The following ANGPTL6 variants were observed in gnomAD, a reference collection of about 807,000 sequenced individuals.
ANGPTL6 encodes the protein angiopoietin like 6.
Under a neutral mutation model 47.4 loss-of-function variants are expected in ANGPTL6, and 45 were observed. That is an observed-to-expected ratio of 0.95 (90% confidence interval 0.75 to 1.22). ANGPTL6 has a LOEUF of 1.22. Among genes scored for constraint, ANGPTL6 ranks in the 50% most tolerant of loss-of-function variants. The pLI is 0.00. For synonymous variants in ANGPTL6, 290 were observed against 295.9 expected (o/e 0.98, Z 0.20); for missense variants, 698 against 669.4 (o/e 1.04, Z -0.47).
chr19:10,092,388 T>C lies in ANGPTL6; in HGVS notation c.*201A>G, dbSNP rs1184230981. 3.0e-6 allele frequency: 4 copies of C among 1,339,976 alleles called. No individual in the cohort carries two copies. Among genetic ancestry groups the C allele is most frequent in the African/African-American group, 1.5e-5 (1 of 67,416 alleles). 83.0% of individuals were successfully genotyped at this position (1,339,976 alleles called of 1,614,324 possible). The stretch of plus-strand genomic sequence containing the variant: ...ATATGAGCTCAAACCGAGATATGAA[T>C]GACCTTGGGGAGCCATCTGAGGCCA... On this transcript the variant is annotated 3_prime_UTR_variant, in exon 6 of 6. Transcript: ENST00000253109.
intron 1 of ANGPTL6, among the ~76,000 whole-genome samples, chr19:10,099,935 C>T (rs2088643621): frequency 6.7e-6 from 1 of 148,696 alleles, no homozygotes; most frequent in African/African-American, 2.5e-5. Flanking sequence ...TCTCAGCTCA[C>T]TGCAACCTCC....
chr19:10,096,302 C>A lies in ANGPTL6; in HGVS notation c.262G>T (p.Ala88Ser). The A allele has an allele frequency of 8.1e-7, 1 of 1,234,870 alleles. No individual in the cohort carries two copies. Among genetic ancestry groups the A allele is most frequent in the Non-Finnish European group, 1.0e-6 (1 of 991,108 alleles). 76.5% of individuals were successfully genotyped at this position (1,234,870 alleles called of 1,614,324 possible). The change falls in exon 2 of 6, where the codon GCC becomes TCC. Residue 88 changes from alanine (A) to serine (S), a missense_variant. By Grantham distance (99) the Ala-to-Ser change is moderately conservative (BLOSUM62 1). Coordinates refer to ENST00000253109, the MANE Select transcript of ANGPTL6 (RefSeq NM_031917.3). ...AGCGCGCGCACCTCGCCGGCCACGG[C>A]GCCGTCGGCCGCCGCCAGCCTCTGC... is the stretch of plus-strand genomic sequence containing the variant. ...ELQRLAAADG[A>S]VAGEVRALRK...
In ANGPTL6 at chr19:10,102,551, C is replaced by T. The variant is rs917610253; in HGVS notation, c.-11+17G>A. On this transcript the variant is annotated intron_variant, in intron 1 of 5. Coordinates refer to ENST00000253109, the MANE Select transcript of ANGPTL6 (RefSeq NM_031917.3). ...CACAGTGAGAATCAACCTCCACCTA[C>T]CTTCCCACCCTCTCACCTCTGATGC... 17 of 984,040 alleles carry T rather than the reference C, an allele frequency of 1.7e-5. No individual in the cohort carries two copies. The African/African-American group carries it at 3.0e-4, about 17-fold the overall frequency. The allele number at this position is 984,040 out of a possible 1,614,324, so 61.0% of individuals were successfully genotyped here.
intron 5 of ANGPTL6, 135 bp downstream of exon 5, chr19:10,093,214 C>T (rs2088438484): frequency 8.1e-7 from 1 of 1,241,942 alleles, no homozygotes; most frequent in East Asian, 2.3e-5. Flanking sequence ...CCTTTGTTCT[C>T]TTGACGGAAT....
chr19:10,104,317 G>GGT (rs1555757453), upstream of ANGPTL6, among the ~76,000 whole-genome samples: 1,716 of 118,008 alleles, frequency 0.015, 11 homozygotes, highest in African/African-American at 0.027. Context: ...TTGTGTGTGT[G>GGT]GTGTGTGTGT....
In ANGPTL6 at chr19:10,094,559, C is replaced by T. The variant is rs80198180; in HGVS notation, c.763+199G>A. The T allele has an allele frequency of 6.8e-3, 4,537 of 667,874 alleles. 25 individuals are homozygous for T. Among genetic ancestry groups the T allele is most frequent in the Non-Finnish European group, 1.0e-2 (3,909 of 391,910 alleles). The allele number at this position is 667,874 out of a possible 1,614,324, so 41.4% of individuals were successfully genotyped here. On this transcript the variant is annotated intron_variant, in intron 3 of 5. Coordinates refer to ENST00000253109, the MANE Select transcript of ANGPTL6 (RefSeq NM_031917.3). ...TTACCAAAGTAGCAGTCCCAAACAT[C>T]GCCTCACTAAAGTAAGAGTCCCTCC...
intron 1 of ANGPTL6, among the ~76,000 whole-genome samples, chr19:10,101,268 G>C (rs1197115794): frequency 6.6e-6 from 1 of 151,568 alleles, no homozygotes; most frequent in Non-Finnish European, 1.5e-5. Flanking sequence ...CACTTGACTG[G>C]AACAGTGCCT....
rs369675860 is a variant in ANGPTL6 at position 10,096,408 on chromosome 19, C to T, written c.156G>A (p.Ala52=). The change falls in exon 2 of 6, where the codon GCG becomes GCA. Residue 52 remains alanine (A), a synonymous_variant. Transcript: ENST00000253109. ...CGCTGGCGTTGGCGGCCTCGGGCGT[C>T]GCCCGCGTGGATGCGGGGCCGCTCC... ...VCWSGPASTR[A]TPEAANASEL... 339 of 1,320,618 alleles carry T rather than the reference C, an allele frequency of 2.6e-4. 2 individuals are homozygous for T. The East Asian group carries it at 5.4e-3, about 21-fold the overall frequency. 81.8% of individuals were successfully genotyped at this position (1,320,618 alleles called of 1,614,324 possible). A position where few individuals can be genotyped will look rare whatever the true frequency, so the allele number is the denominator to read the frequency against.
In ANGPTL6 at chr19:10,102,596, G is replaced by A. The variant is rs1260654577; in HGVS notation, c.-39C>T. ...TGATGCCCAAGACCCTGAATCCAGC[G>A]AAGCTCACAGAACACACAAGAAGTC... is the stretch of plus-strand genomic sequence containing the variant. On this transcript the variant is annotated 5_prime_UTR_variant, in exon 1 of 6. Coordinates refer to ENST00000253109, the MANE Select transcript of ANGPTL6 (RefSeq NM_031917.3). 3 of 984,470 alleles carry A rather than the reference G, an allele frequency of 3.0e-6. No individual in the cohort carries two copies. The highest frequency in any genetic ancestry group is 3.5e-5 in the African/African-American group (2 of 57,158). The allele number at this position is 984,470 out of a possible 1,614,324, so 61.0% of individuals were successfully genotyped here. A position where few individuals can be genotyped will look rare whatever the true frequency, so the allele number is the denominator to read the frequency against.
At chr19:10,101,029 C>T (rs935853413) in intron 1 of ANGPTL6, among the ~76,000 whole-genome samples, 3 of 150,906 alleles carry the variant, frequency 2.0e-5, no homozygotes, top group Non-Finnish European at 3.0e-5. Flanking sequence ...GCTAACGTGG[C>T]GAAACCCTGT....
chr19:10,097,338 C>T (rs922327985), intron 1 of ANGPTL6, among the ~76,000 whole-genome samples: 12 of 151,282 alleles, frequency 7.9e-5, no homozygotes, highest in African/African-American at 2.7e-4. Flanking sequence ...GCTGCGATCA[C>T]GCCACTGCAC....
chr19:10,104,398 C>T (rs1406852572), upstream of ANGPTL6, among the ~76,000 whole-genome samples: 1 of 150,728 alleles, frequency 6.6e-6, no homozygotes, highest in Non-Finnish European at 1.5e-5. Context: ...AGTGTTGGCA[C>T]TTATTTAATT....
rs1489870109 is a variant in ANGPTL6 at position 10,096,293 on chromosome 19, C to G, written c.271G>C (p.Gly91Arg). The G allele has an allele frequency of 5.7e-6, 7 of 1,226,134 alleles. No homozygotes were observed. Among genetic ancestry groups the G allele is most frequent in the African/African-American group, 1.6e-5 (1 of 63,146 alleles). The allele number at this position is 1,226,134 out of a possible 1,614,324, so 76.0% of individuals were successfully genotyped here. A position where few individuals can be genotyped will look rare whatever the true frequency, so the allele number is the denominator to read the frequency against. Residue 91 changes from glycine to arginine, a missense_variant, in exon 2 of 6, where the codon GGC (glycine) becomes CGC (arginine). Gly to Arg is a moderately radical substitution (Grantham distance 125). Coordinates refer to ENST00000253109, the MANE Select transcript of ANGPTL6 (RefSeq NM_031917.3). The stretch of plus-strand genomic sequence containing the variant: ...TCCTTGCGCAGCGCGCGCACCTCGC[C>G]GGCCACGGCGCCGTCGGCCGCCGCC... ...RLAAADGAVA[G>R]EVRALRKESR...
Position 10,094,873 on chromosome 19 carries a change from G to A in ANGPTL6, c.648C>T (p.Thr216=), listed in dbSNP as rs1398084883. Residue 216 remains threonine, a synonymous_variant, in exon 3 of 6, where the codon ACC becomes ACT. Coordinates refer to ENST00000253109, the MANE Select transcript of ANGPTL6 (RefSeq NM_031917.3). ...PVRLVGSTSD[T]SRMLDPAPEP... ...CTGGGGCTGGGTCCAGCATCCTACT[G>A]GTGTCACTGGTGCTACCCACAAGAC... 8 of 1,614,062 alleles carry A rather than the reference G, an allele frequency of 5.0e-6. No homozygotes were observed. In the Admixed American group the frequency reaches 6.7e-5, roughly 13 times the overall value.
rs748571578 is a variant in ANGPTL6, at chr19:10,093,621, T to C, written c.952-2A>G. 3.1e-6 allele frequency: 5 copies of C among 1,613,386 alleles called. No homozygotes were observed. In the South Asian group the frequency reaches 4.4e-5, roughly 14 times the overall value. ...TCCGTCTGGCCGCCCAAAGCCCGCC[T>C]GGCAGGGCAGGAAAGTCAGGAAGCC... On this transcript the variant is annotated splice_acceptor_variant, in intron 4 of 5. Coordinates refer to ENST00000253109, the MANE Select transcript of ANGPTL6 (RefSeq NM_031917.3). LOFTEE classifies it high-confidence loss of function.
Position 10,093,633 on chromosome 19 carries a change from A to G in ANGPTL6, c.952-14T>C. 6.2e-7 allele frequency: 1 copy of G among 1,613,306 alleles called. No homozygotes were observed. The highest frequency in any genetic ancestry group is 8.5e-7 in the Non-Finnish European group (1 of 1,179,366). Reference sequence around the variant, plus strand: ...CCCAAAGCCCGCCTGGCAGGGCAGGAAAGTCAGGAAGCCAGAACAGGCTCC... The same window carrying G: ...CCCAAAGCCCGCCTGGCAGGGCAGGGAAGTCAGGAAGCCAGAACAGGCTCC... On this transcript the variant is annotated splice_polypyrimidine_tract_variant and intron_variant, in intron 4 of 5. Transcript: ENST00000253109.
At position 10,092,424 on chromosome 19, in the gene ANGPTL6, G is replaced by T; in HGVS notation, c.*165C>A. The T allele has an allele frequency of 6.6e-7, 1 of 1,505,614 alleles. No homozygotes were observed. The highest frequency in any genetic ancestry group is 8.9e-7 in the Non-Finnish European group (1 of 1,123,674). 93.3% of individuals were successfully genotyped at this position (1,505,614 alleles called of 1,614,324 possible). A position where few individuals can be genotyped will look rare whatever the true frequency, so the allele number is the denominator to read the frequency against. ...AGCCATCTGAGGCCAAGATATTGAC[G>T]GGGGGGATTCCTGGGTCCCATTTTC... On this transcript the variant is annotated 3_prime_UTR_variant, in exon 6 of 6. Coordinates refer to ENST00000253109, the MANE Select transcript of ANGPTL6 (RefSeq NM_031917.3).
At chr19:10,100,811 G>A (rs1331935461) in intron 1 of ANGPTL6, among the ~76,000 whole-genome samples, 1 of 152,220 alleles carries the variant, frequency 6.6e-6, no homozygotes. Context: ...AATGGAACAG[G>A]CAAGGGGGTG....
intron 1 of ANGPTL6, among the ~76,000 whole-genome samples, chr19:10,098,627 C>G (rs998524790): frequency 6.6e-6 from 1 of 152,064 alleles, no homozygotes; most frequent in Non-Finnish European, 1.5e-5. Context: ...GAATTCGAGA[C>G]TAGCATGACC....
Sources: gnomAD v4.1 joint callset for allele counts (sites outside exome capture counted in the v4.1 genomes callset) on GRCh38, gnomAD v4.1.1 for gene constraint, MANE v1.5 for transcripts, NCBI Gene and HGNC (gene_info 2026-07-23, HGNC 2026-07-21) for gene names.